Variants in PPP3CA observed in about 807,000 individuals in gnomAD.
PPP3CA encodes the protein CAM-PRP catalytic subunit.
PPP3CA carries 14 observed loss-of-function variants against 66.5 expected under a neutral mutation model. The ratio of observed to expected loss-of-function variants is 0.21; its 90% CI spans 0.14 to 0.33. The LOEUF is 0.33. PPP3CA is among the 10% of genes least tolerant of loss of function. The pLI is 1.00. For missense variants in PPP3CA, 317 were observed against 639.5 expected (o/e 0.50, Z 5.44); for synonymous variants, 232 against 226.2 (o/e 1.03, Z -0.23).
intron 1 of PPP3CA, among the ~76,000 whole-genome samples, chr4:101,210,963 T>G (rs1725280801): frequency 6.6e-6 from 1 of 152,170 alleles, no homozygotes; most frequent in Non-Finnish European, 1.5e-5. Context: ...AACAATGAAA[T>G]GATAAAATGT....
intron 1 of PPP3CA, among the ~76,000 whole-genome samples, chr4:101,248,332 GTTAGAA>G (rs1437276655): frequency 1.3e-5 from 2 of 152,146 alleles, no homozygotes; most frequent in African/African-American, 4.8e-5. Flanking sequence ...TAGTTTTCTT[GTTAGAA>G]TTAAAGATGA....
At chr4:101,075,571 T>C (rs1021851667) in intron 8 of PPP3CA, among the ~76,000 whole-genome samples, 8 of 152,206 alleles carry the variant, frequency 5.3e-5, no homozygotes, top group Admixed American at 5.2e-4. Context: ...TTAGATTCTT[T>C]TGAAGCACAG....
At chr4:101,252,256 A>G (rs1478727894) in intron 1 of PPP3CA, among the ~76,000 whole-genome samples, 1 of 152,174 alleles carries the variant, frequency 6.6e-6, no homozygotes, top group Non-Finnish European at 1.5e-5. Flanking sequence ...TACCAGCACA[A>G]TGACATTTTC....
intron 1 of PPP3CA, among the ~76,000 whole-genome samples, chr4:101,252,582 G>A (rs946159389): frequency 6.6e-6 from 1 of 152,134 alleles, no homozygotes; most frequent in Non-Finnish European, 1.5e-5. Flanking sequence ...TTTTAACTAT[G>A]TGCATCTATA....
At chr4:101,341,540 T>G (rs1002958904) in intron 1 of PPP3CA, among the ~76,000 whole-genome samples, 1 of 152,226 alleles carries the variant, frequency 6.6e-6, no homozygotes, top group Admixed American at 6.5e-5. Context: ...TCATTTCTAA[T>G]TCTGTGTTAG....
chr4:101,134,873 T>C (rs779669684), intron 2 of PPP3CA, among the ~76,000 whole-genome samples: 21 of 151,876 alleles, frequency 1.4e-4, no homozygotes, highest in Non-Finnish European at 2.4e-4. Context: ...ATGTGGCACA[T>C]ATATACTGTG....
At chr4:101,244,277 T>G (rs1726405181) in intron 1 of PPP3CA, among the ~76,000 whole-genome samples, 1 of 152,168 alleles carries the variant, frequency 6.6e-6, no homozygotes, top group Admixed American at 6.5e-5. Context: ...TCTCTACCAA[T>G]GCCTACTCTT....
chr4:101,039,489 T>C (rs955615492), intron 11 of PPP3CA, among the ~76,000 whole-genome samples: 3 of 144,794 alleles, frequency 2.1e-5, no homozygotes, highest in Admixed American at 6.9e-5. Context: ...GGAGCAATGA[T>C]GCCCTATTTT....
At chr4:101,202,694 A>G (rs995341486) in intron 1 of PPP3CA, among the ~76,000 whole-genome samples, 9 of 152,262 alleles carry the variant, frequency 5.9e-5, no homozygotes, top group Non-Finnish European at 1.2e-4. Context: ...AAATAAAAAT[A>G]CATATGGCCA....
intron 1 of PPP3CA, among the ~76,000 whole-genome samples, chr4:101,281,373 T>C (rs1727678867): frequency 6.6e-6 from 1 of 152,144 alleles, no homozygotes; most frequent in East Asian, 1.9e-4. Context: ...TGCTAATGAG[T>C]ATGATCCAAC....
rs186334940 is a variant in PPP3CA at position 101,127,504 on chromosome 4, G to C, written c.260-18426C>G. Reference sequence around the variant, plus strand: ...AGAAAATGGAATCTTGCTGTCACAAGCCAAAAAAAGGCCTGGAGCTACCAG... The same window carrying C: ...AGAAAATGGAATCTTGCTGTCACAACCCAAAAAAAGGCCTGGAGCTACCAG... On this transcript the variant is annotated intron_variant, in intron 2 of 13. Coordinates refer to ENST00000394854, the MANE Select transcript of PPP3CA (RefSeq NM_000944.5). 2.5e-3 allele frequency among the ~76,000 whole-genome samples: 379 copies of C among 152,144 alleles called. 1 individual carries two copies. Among genetic ancestry groups the C allele is most frequent in the African/African-American group, 8.9e-3 (369 of 41,514 alleles).
At chr4:101,318,178 ACCACAGAAT>A (rs1728937632) in intron 1 of PPP3CA, among the ~76,000 whole-genome samples, 1 of 152,194 alleles carries the variant, frequency 6.6e-6, no homozygotes, top group African/African-American at 2.4e-5. Context: ...AAAAATTTAA[ACCACAGAAT>A]GATATAAAAA....
chr4:101,229,796 G>C lies in PPP3CA; in HGVS notation c.59-33680C>G, dbSNP rs6850238. 4.4e-3 allele frequency among the ~76,000 whole-genome samples: 673 copies of C among 151,668 alleles called. 7 individuals are homozygous for C. Among genetic ancestry groups the C allele is most frequent in the African/African-American group, 0.015 (639 of 41,426 alleles). On this transcript the variant is annotated intron_variant, in intron 1 of 13. Transcript: ENST00000394854. The stretch of plus-strand genomic sequence containing the variant: ...AGGGCAGTAGGAATGGGGAGAGGTA[G>C]AAAAGGAGGAAATCAAAAGGTAGAC...
At chr4:101,330,374 T>C (rs1400683289) in intron 1 of PPP3CA, 3 of 521,848 alleles carry the variant, frequency 5.7e-6, no homozygotes, top group Admixed American at 2.1e-5. Flanking sequence ...AAATCTACTT[T>C]CTTTGCTCAT....
intron 1 of PPP3CA, among the ~76,000 whole-genome samples, chr4:101,291,909 C>T (rs1181103945): frequency 6.6e-6 from 1 of 152,074 alleles, no homozygotes; most frequent in African/African-American, 2.4e-5. Flanking sequence ...TGGGCAGATC[C>T]CTTGAGCCCA....
intron 11 of PPP3CA, among the ~76,000 whole-genome samples, chr4:101,036,422 T>C (rs1055474895): frequency 5.3e-5 from 8 of 152,218 alleles, no homozygotes; most frequent in Admixed American, 1.3e-4. Context: ...TCTTTCTTTT[T>C]TTTTTTTGAG....
chr4:101,181,534 A>C (rs1724235006), intron 2 of PPP3CA, among the ~76,000 whole-genome samples: 1 of 152,108 alleles, frequency 6.6e-6, no homozygotes, highest in Admixed American at 6.6e-5. Flanking sequence ...TGTTATGCGA[A>C]TAGTTTTGTC....
intron 1 of PPP3CA, among the ~76,000 whole-genome samples, chr4:101,246,618 T>G (rs2110239383): frequency 6.6e-6 from 1 of 152,294 alleles, no homozygotes; most frequent in South Asian, 2.1e-4. Flanking sequence ...AACAAGAAAA[T>G]AGCCTCCACA....
chr4:101,311,148 GT>G (rs1257729918), intron 1 of PPP3CA, among the ~76,000 whole-genome samples: 4 of 152,086 alleles, frequency 2.6e-5, no homozygotes, highest in Non-Finnish European at 5.9e-5. Flanking sequence ...ATCAATTTAT[GT>G]TTTTTAAAAG....
Sources: allele counts gnomAD v4.1 joint callset (sites outside exome capture counted in the v4.1 genomes callset), GRCh38; gene constraint gnomAD v4.1.1; transcripts MANE v1.5; gene names NCBI Gene and HGNC (gene_info 2026-07-23, HGNC 2026-07-21).